DMD: variants seen among roughly 807,000 people sequenced by gnomAD.
DMD encodes the protein mutant dystrophin.
DMD carries 63 observed loss-of-function variants against 330.1 expected under a neutral mutation model. The ratio of observed to expected loss-of-function variants is 0.19; its 90% confidence interval spans 0.16 to 0.24. The LOEUF is 0.24. Among genes scored for constraint, DMD ranks in the 10% least tolerant of loss-of-function variants. DMD has a pLI of 1.00. For synonymous variants in DMD, 1,223 were observed against 959.8 expected (o/e 1.27, Z -5.07); for missense variants, 3,344 against 2,684.1 (o/e 1.25, Z -5.43).
At chrX:32,225,437 G>T (rs989526115) in intron 43 of DMD, among the ~76,000 whole-genome samples, 1 of 111,652 alleles carries the variant, frequency 9.0e-6, no homozygotes, top group Non-Finnish European at 1.9e-5. Context: ...ATAGCCAACT[G>T]CTACTTGGAC....
intron 66 of DMD, among the ~76,000 whole-genome samples, chrX:31,204,699 C>G (rs1029238220): frequency 8.9e-6 from 1 of 111,875 alleles, no homozygotes; most frequent in Admixed American, 9.4e-5. Flanking sequence ...CTCTGCTCAC[C>G]GCAACCTCTG....
chrX:31,608,122 G>C (rs915713760), intron 55 of DMD, among the ~76,000 whole-genome samples: 16 of 111,841 alleles, frequency 1.4e-4, no homozygotes, highest in Non-Finnish European at 2.5e-4. Flanking sequence ...ACAGAGCTAT[G>C]ATTCCATTAT....
chrX:31,946,380 T>G (rs2095087411), intron 45 of DMD, among the ~76,000 whole-genome samples: 1 of 111,984 alleles, frequency 8.9e-6, no homozygotes, highest in Admixed American at 9.5e-5. Context: ...AGGAGCTAAG[T>G]CCAGAGAAAT....
chrX:33,311,310 CAT>C (rs759731055), intron 1 of DMD, among the ~76,000 whole-genome samples: 1 of 109,734 alleles, frequency 9.1e-6, no homozygotes, highest in South Asian at 3.8e-4. Context: ...TAGATACACA[CAT>C]ATGTATGCAT....
rs761393296 is a variant in DMD at position 32,260,965 on chromosome X, T to A, written c.6290+26564A>T. ...GGGTTTATAAGTGCCAGACTATGAATTCTGGATGTTAGCCTCTGGCCTAGG... is the reference window on the plus strand; with the variant it reads ...GGGTTTATAAGTGCCAGACTATGAAATCTGGATGTTAGCCTCTGGCCTAGG... On this transcript the variant is annotated intron_variant, in intron 43 of 78. Transcript: ENST00000357033. Among the ~76,000 whole-genome samples, 3 of 112,070 alleles carry A rather than the reference T, an allele frequency of 2.7e-5. No individual in the cohort carries two copies. The South Asian group carries it at 1.1e-3, about 42-fold the overall frequency.
At chrX:32,465,207 T>A (rs1382339852) in intron 23 of DMD, among the ~76,000 whole-genome samples, 1 of 112,159 alleles carries the variant, frequency 8.9e-6, no homozygotes, top group South Asian at 3.7e-4. Context: ...CTTTTGCTTT[T>A]ATTTGTCTGA....
chrX:32,265,165 G>A (rs753437962), intron 43 of DMD, among the ~76,000 whole-genome samples: 7 of 111,731 alleles, frequency 6.3e-5, no homozygotes, highest in Admixed American at 9.4e-5. Context: ...TTCCTGGGCC[G>A]GGCCCAGAGC....
chrX:32,241,033 TTGATA>T (rs1181417289), intron 43 of DMD, among the ~76,000 whole-genome samples: 10 of 112,516 alleles, frequency 8.9e-5, no homozygotes, highest in Non-Finnish European at 1.7e-4. Context: ...TCTCATTGAC[TTGATA>T]TGTCTGTGCA....
intron 1 of DMD, among the ~76,000 whole-genome samples, chrX:33,157,939 A>C (rs2048586522): frequency 8.9e-6 from 1 of 112,037 alleles, no homozygotes; most frequent in Non-Finnish European, 1.9e-5. Flanking sequence ...CCTGGGAGAC[A>C]AGAGTGAAAC....
intron 30 of DMD, among the ~76,000 whole-genome samples, chrX:32,391,896 T>A (rs1223884257): frequency 1.8e-5 from 2 of 111,884 alleles, no homozygotes; most frequent in African/African-American, 6.5e-5. Context: ...CCTTTCATCT[T>A]GGAAATGTTA....
chrX:31,574,295 C>CA (rs1433260026), intron 55 of DMD, among the ~76,000 whole-genome samples: 1 of 108,419 alleles, frequency 9.2e-6, no homozygotes, highest in Non-Finnish European at 1.9e-5. Context: ...AGGCGCCCAC[C>CA]ACAACACCCG....
At chrX:32,706,948 C>T (rs2064724135) in intron 7 of DMD, among the ~76,000 whole-genome samples, 1 of 110,123 alleles carries the variant, frequency 9.1e-6, no homozygotes, top group Non-Finnish European at 1.9e-5. Context: ...AAAAATCAGC[C>T]GGGTATGGTG....
rs760119188 is a variant in DMD, at chrX:32,735,287, C to T, written c.650-35994G>A. Among the ~76,000 whole-genome samples, 29 of 110,446 alleles carry T rather than the reference C, an allele frequency of 2.6e-4. 1 individual carries two copies. In the South Asian group the frequency reaches 0.011, roughly 43 times the overall value. ...AAGAGGATACAAACAAATGGAAGAA[C>T]ATTCCATGCTCATGGGTAGGAAGAA... On this transcript the variant is annotated intron_variant, in intron 7 of 78. Transcript: ENST00000357033.
chrX:32,365,453 C>A (rs1319023669), intron 34 of DMD, among the ~76,000 whole-genome samples: 1 of 110,448 alleles, frequency 9.1e-6, no homozygotes, highest in East Asian at 2.8e-4. Flanking sequence ...ACATATTGTT[C>A]AACTAAATAT....
chrX:32,902,145 TCACACACACACAAACACACACA>T (rs1433117079), intron 2 of DMD, among the ~76,000 whole-genome samples: 2 of 60,134 alleles, frequency 3.3e-5, no homozygotes, highest in African/African-American at 1.3e-4. Flanking sequence ...TAAGCAAGCA[TCACACACACACAAACACACACA>T]CACACACACA....
intron 1 of DMD, among the ~76,000 whole-genome samples, chrX:33,271,058 C>T (rs1436863465): frequency 2.7e-5 from 3 of 111,234 alleles, no homozygotes; most frequent in Non-Finnish European, 3.8e-5. Flanking sequence ...TCTATTTTCT[C>T]GAAGATCTTA....
chrX:33,029,942 C>T (rs1440833293), intron 1 of DMD, among the ~76,000 whole-genome samples: 1 of 111,076 alleles, frequency 9.0e-6, no homozygotes, highest in Non-Finnish European at 1.9e-5. Context: ...ACAATGCAGG[C>T]CGGGGTTACA....
At chrX:33,096,788 G>A (rs762858755) in intron 1 of DMD, among the ~76,000 whole-genome samples, 3 of 112,534 alleles carry the variant, frequency 2.7e-5, no homozygotes, top group Admixed American at 9.4e-5. Context: ...TTATAGGCGC[G>A]AGCCACCGCA....
At chrX:31,779,527 T>G (rs1026172041) in intron 50 of DMD, among the ~76,000 whole-genome samples, 2 of 112,189 alleles carry the variant, frequency 1.8e-5, no homozygotes, top group African/African-American at 6.5e-5. Flanking sequence ...TTACTGAAAA[T>G]AGTCTTTCTG....
Sources: allele counts gnomAD v4.1 joint callset (sites outside exome capture counted in the v4.1 genomes callset), GRCh38; gene constraint gnomAD v4.1.1; transcripts MANE v1.5; gene names NCBI Gene and HGNC (gene_info 2026-07-23, HGNC 2026-07-21).